The following SYNCRIP variants were observed in gnomAD, a reference collection of about 807,000 sequenced individuals.
SYNCRIP encodes synaptotagmin binding cytoplasmic RNA interacting protein, also known as heterogeneous nuclear ribonucleoprotein Q.
SYNCRIP carries 9 observed loss-of-function variants against 68.9 expected under a neutral mutation model. The observed-to-expected ratio is 0.13, with a 90% CI of 0.08 to 0.23. The LOEUF is 0.23. Ranked by LOEUF, SYNCRIP falls within the 10% of genes least tolerant of loss-of-function variation. The probability of loss-of-function intolerance (pLI) is 1.00; values close to 1 mark genes in which losing one functional copy is unlikely to be tolerated. For synonymous variants in SYNCRIP, 258 were observed against 254.0 expected (o/e 1.02, Z -0.15); for missense variants, 414 against 770.6 (o/e 0.54, Z 5.48).
Position 85,614,135 on chromosome 6 carries a change from C to T in SYNCRIP, c.*621G>A. On this transcript the variant is annotated 3_prime_UTR_variant, in exon 11 of 11. Transcript: ENST00000369622. ...CAAGGCACAAAACCCTTTAATTGGC[C>T]TTGACATGCTATACAATTTGAACCA... 1 of 985,766 alleles carries T rather than the reference C, an allele frequency of 1.0e-6. No individual in the cohort carries two copies. The highest frequency in any genetic ancestry group is 1.2e-6 in the Non-Finnish European group (1 of 829,928). 61.1% of individuals were successfully genotyped at this position (985,766 alleles called of 1,614,324 possible).
At chr6:85,638,641 C>T (rs1447447534) in intron 4 of SYNCRIP, among the ~76,000 whole-genome samples, 4 of 152,088 alleles carry the variant, frequency 2.6e-5, no homozygotes, top group Admixed American at 6.5e-5. Flanking sequence ...ATTTTCTACT[C>T]AAAGGACACT....
chr6:85,614,695 G>T lies in SYNCRIP; in HGVS notation c.*61C>A. 6.6e-7 allele frequency: 1 copy of T among 1,504,804 alleles called. No individual in the cohort carries two copies. The highest frequency in any genetic ancestry group is 8.9e-7 in the Non-Finnish European group (1 of 1,128,298). The allele number at this position is 1,504,804 out of a possible 1,614,324, so 93.2% of individuals were successfully genotyped here. On this transcript the variant is annotated 3_prime_UTR_variant, in exon 11 of 11. Transcript: ENST00000369622. ...CACAAATTATAGCGGCACCCGTTCA[G>T]ATTTAGGGTGAGTTTCTGATCAACC...
chr6:85,625,615 TG>T (rs1182597492), intron 6 of SYNCRIP, among the ~76,000 whole-genome samples: 1 of 152,120 alleles, frequency 6.6e-6, no homozygotes, highest in African/African-American at 2.4e-5. Context: ...CTCAAACTCC[TG>T]ATCTTGTGAT....
intron 3 of SYNCRIP, 55 bp from the exon 4 acceptor site, chr6:85,640,383 A>T: frequency 6.3e-7 from 1 of 1,586,584 alleles, no homozygotes; most frequent in Non-Finnish European, 8.6e-7. Flanking sequence ...AGTCTAATAA[A>T]ATTCAGCAGA....
intron 7 of SYNCRIP, 132 bp downstream of exon 7, chr6:85,623,845 C>T: frequency 1.8e-6 from 2 of 1,127,254 alleles, no homozygotes; most frequent in Non-Finnish European, 2.5e-6. Flanking sequence ...ATGGGGTTAC[C>T]TACACTTCAA....
intron 6 of SYNCRIP, among the ~76,000 whole-genome samples, chr6:85,632,706 C>T (rs1457952293): frequency 6.6e-6 from 1 of 152,112 alleles, no homozygotes. Context: ...ATTTGGGAAG[C>T]CAAGGCAGTA....
At chr6:85,636,825 T>C in intron 6 of SYNCRIP, 142 bp downstream of exon 6, 3 of 683,218 alleles carry the variant, frequency 4.4e-6, no homozygotes, top group Non-Finnish European at 7.2e-6. Context: ...CTACAATGCT[T>C]GCACAGTGAT....
At chr6:85,612,945 T>C (rs1805357005), downstream of SYNCRIP, 1 of 1,550,182 alleles carries the variant, frequency 6.5e-7, no homozygotes, top group Non-Finnish European at 8.7e-7. Context: ...ACAAAAGGAA[T>C]CAGTTAGATA....
chr6:85,636,956 G>A lies in SYNCRIP; in HGVS notation c.666+11C>T. 2 of 1,570,564 alleles carry A rather than the reference G, an allele frequency of 1.3e-6. No individual in the cohort carries two copies. The highest frequency in any genetic ancestry group is 1.7e-6 in the Non-Finnish European group (2 of 1,162,754). ...AACGTGAAAACTGAAGGGGAAAAAA[G>A]GACAACTTACCAGTTTAACAGCCTC... On this transcript the variant is annotated intron_variant, in intron 6 of 10. Transcript: ENST00000369622.
At chr6:85,629,516 CAAAAAA>C (rs781083306) in intron 6 of SYNCRIP, among the ~76,000 whole-genome samples, 1 of 64,924 alleles carries the variant, frequency 1.5e-5, no homozygotes, top group Non-Finnish European at 2.6e-5. Context: ...ACTAAAAATA[CAAAAAA>C]AAAAAAAAAA....
chr6:85,638,935 C>T (rs1808799101), intron 4 of SYNCRIP, among the ~76,000 whole-genome samples: 1 of 152,178 alleles, frequency 6.6e-6, no homozygotes, highest in South Asian at 2.1e-4. Context: ...AGCAGCCAGG[C>T]ATGGTGGCTC....
intron 6 of SYNCRIP, among the ~76,000 whole-genome samples, chr6:85,627,253 G>C (rs1036727901): frequency 2.1e-5 from 3 of 140,902 alleles, no homozygotes; most frequent in Non-Finnish European, 4.5e-5. Flanking sequence ...GGGCAACAGA[G>C]CAAGACTCCA....
chr6:85,619,692 G>A (rs566404790), intron 8 of SYNCRIP, among the ~76,000 whole-genome samples: 8 of 152,236 alleles, frequency 5.3e-5, no homozygotes, highest in African/African-American at 1.7e-4. Context: ...TTCGGAAACC[G>A]CAAGTCAAAA....
intron 6 of SYNCRIP, among the ~76,000 whole-genome samples, chr6:85,634,453 G>C (rs1808200815): frequency 6.6e-6 from 1 of 152,184 alleles, no homozygotes; most frequent in Admixed American, 6.5e-5. Flanking sequence ...AAATTCTGCA[G>C]TGGTCCCTCA....
chr6:85,617,984 T>TAC (rs1805967728), intron 10 of SYNCRIP, among the ~76,000 whole-genome samples: 1 of 152,216 alleles, frequency 6.6e-6, no homozygotes, highest in Non-Finnish European at 1.5e-5. Flanking sequence ...TATAACTCAT[T>TAC]ACACACCTAC....
At chr6:85,630,219 G>T (rs1034776363) in intron 6 of SYNCRIP, among the ~76,000 whole-genome samples, 3 of 151,618 alleles carry the variant, frequency 2.0e-5, no homozygotes, top group Non-Finnish European at 4.4e-5. Context: ...AAAATTAGCC[G>T]GGTGTGGTGG....
chr6:85,634,020 G>A (rs993820202), intron 6 of SYNCRIP, among the ~76,000 whole-genome samples: 2 of 152,106 alleles, frequency 1.3e-5, no homozygotes, highest in Non-Finnish European at 2.9e-5. Flanking sequence ...TCACAACAGA[G>A]AAACCCAGAA....
chr6:85,614,292 A>T lies in SYNCRIP; in HGVS notation c.*464T>A. 1.0e-6 allele frequency: 1 copy of T among 986,200 alleles called. No individual in the cohort carries two copies. The allele number at this position is 986,200 out of a possible 1,614,324, so 61.1% of individuals were successfully genotyped here. A position where few individuals can be genotyped will look rare whatever the true frequency, so the allele number is the denominator to read the frequency against. ...GTAGCCAAAATGGTTTTGAAAACCC[A>T]AATTAGGTCAAAGTTCTAAATTAAA... On this transcript the variant is annotated 3_prime_UTR_variant, in exon 11 of 11. Coordinates refer to ENST00000369622, the MANE Select transcript of SYNCRIP (RefSeq NM_006372.5).
At chr6:85,624,148 A>C (rs1475948032) in intron 6 of SYNCRIP, 36 bp from the exon 7 acceptor site, 2 of 1,582,240 alleles carry the variant, frequency 1.3e-6, no homozygotes, top group South Asian at 2.2e-5. Context: ...TTTTTAAATT[A>C]CTTATACAAC....
Sources: allele counts gnomAD v4.1 joint callset (sites outside exome capture counted in the v4.1 genomes callset), GRCh38; gene constraint gnomAD v4.1.1; transcripts MANE v1.5; gene names NCBI Gene and HGNC (gene_info 2026-07-23, HGNC 2026-07-21).